Variants in IPO11 observed in about 807,000 individuals in gnomAD.
IPO11 encodes the protein importin-11.
A neutral mutation model predicts 143.2 loss-of-function variants in IPO11; 66 were observed. The ratio of observed to expected loss-of-function variants is 0.46; its 90% CI spans 0.38 to 0.57. The LOEUF (loss-of-function observed/expected upper bound fraction) is 0.57, where lower values mean the gene tolerates loss of function less well. Among genes scored for constraint, IPO11 ranks in the 20% least tolerant of loss-of-function variants. The pLI, the probability that IPO11 is intolerant of heterozygous loss-of-function variation, is 0.00. For missense variants in IPO11, 1,026 were observed against 1,141.0 expected, an observed-to-expected ratio of 0.90 and a Z score of 1.45; for synonymous variants, 385 against 377.8, an observed-to-expected ratio of 1.02 and a Z score of -0.22.
chr5:62,540,694 A>G (rs1404772360), intron 24 of IPO11, among the ~76,000 whole-genome samples: 2 of 152,210 alleles, frequency 1.3e-5, no homozygotes, highest in African/African-American at 4.8e-5. Context: ...CTCATTTTCC[A>G]TCTGTAACAT....
chr5:62,573,178 C>G (rs767533532), intron 27 of IPO11, among the ~76,000 whole-genome samples: 2 of 152,056 alleles, frequency 1.3e-5, no homozygotes, highest in Non-Finnish European at 2.9e-5. Flanking sequence ...CCACCACGCC[C>G]GGCTACTTTA....
At chr5:62,586,567 C>T (rs1011260089) in intron 27 of IPO11, among the ~76,000 whole-genome samples, 1 of 151,512 alleles carries the variant, frequency 6.6e-6, no homozygotes. Context: ...GCCTGACGGA[C>T]ATGAAGAAAC....
chr5:62,601,300 G>A (rs142541021), intron 28 of IPO11: 1 of 152,674 alleles, frequency 6.5e-6, no homozygotes, highest in Non-Finnish European at 1.5e-5. Flanking sequence ...GTTCCTCATA[G>A]CACAGTCATG....
At chr5:62,600,196 C>T (rs1485741501) in intron 28 of IPO11, among the ~76,000 whole-genome samples, 1 of 152,082 alleles carries the variant, frequency 6.6e-6, no homozygotes, top group Non-Finnish European at 1.5e-5. Context: ...CCTGCCACCA[C>T]GCCTGGCTAG....
In IPO11 at chr5:62,525,999, C is replaced by G. The variant is rs1000461689; in HGVS notation, c.1897-143C>G. The G allele has an allele frequency of 1.6e-5, 10 of 624,282 alleles. No homozygotes were observed. The African/African-American group carries it at 1.9e-4, about 12-fold the overall frequency. The allele number at this position is 624,282 out of a possible 1,614,324, so 38.7% of individuals were successfully genotyped here. A position where few individuals can be genotyped will look rare whatever the true frequency, so the allele number is the denominator to read the frequency against. The stretch of plus-strand genomic sequence containing the variant: ...CAATTATAAACAGAACTTTGTTTTG[C>G]TATTACTTGTAATTAGGACCTTCCT... On this transcript the variant is annotated intron_variant, in intron 20 of 29. Transcript: ENST00000325324.
At chr5:62,526,924 A>G (rs1415147957) in intron 21 of IPO11, among the ~76,000 whole-genome samples, 1 of 152,256 alleles carries the variant, frequency 6.6e-6, no homozygotes, top group Admixed American at 6.5e-5. Flanking sequence ...AAAGCAAATC[A>G]TAGAAATCAA....
intron 6 of IPO11, among the ~76,000 whole-genome samples, chr5:62,468,123 T>A (rs1260761336): frequency 6.6e-6 from 1 of 152,052 alleles, no homozygotes; most frequent in East Asian, 1.9e-4. Context: ...GATTTTTACA[T>A]CTTTCTGGTC....
At chr5:62,578,506 G>A (rs10514936) in intron 27 of IPO11, among the ~76,000 whole-genome samples, 13,959 of 151,974 alleles carry the variant, frequency 0.092, 652 homozygotes, top group South Asian at 0.15. Flanking sequence ...TTGATAGCTA[G>A]AGTCTGTTGA....
At chr5:62,547,582 A>C (rs1444239542) in intron 24 of IPO11, among the ~76,000 whole-genome samples, 2 of 152,224 alleles carry the variant, frequency 1.3e-5, no homozygotes, top group African/African-American at 4.8e-5. Flanking sequence ...CATCTTCTCT[A>C]GCTACGGTTC....
chr5:62,443,416 T>TGTGTGC (rs1467203553), intron 3 of IPO11: 2 of 137,754 alleles, frequency 1.5e-5, no homozygotes, highest in Non-Finnish European at 2.9e-5. Context: ...TGTGTGTGTG[T>TGTGTGC]GTGTGCGTGT....
Position 62,435,172 on chromosome 5 carries a change from G to GTATATATATGTATATATATGTGTA in IPO11, c.-6-2095_-6-2094insATGTATATATATGTGTATATATAT, listed in dbSNP as rs368807385. Among the ~76,000 whole-genome samples the GTATATATATGTATATATATGTGTA allele has an allele frequency of 3.2e-3, 278 of 88,232 alleles. 18 individuals carry two copies. The highest frequency in any genetic ancestry group is 4.3e-3 in the Non-Finnish European group (200 of 46,330). The allele number at this position is 88,232 out of a possible 152,430, so 57.9% of individuals were successfully genotyped here. On this transcript the variant is annotated intron_variant, in intron 1 of 29. Transcript: ENST00000325324. ...TATATGTATATATATGTATATATAT[G>GTATATATATGTATATATATGTGTA]TATATATGTATATATATGTATATAT...
chr5:62,563,361 T>C (rs1431541197), intron 27 of IPO11, among the ~76,000 whole-genome samples: 1 of 152,158 alleles, frequency 6.6e-6, no homozygotes, highest in Non-Finnish European at 1.5e-5. Flanking sequence ...AGTACTGAGA[T>C]TATTGAAAGA....
chr5:62,560,489 G>A (rs2112365132), intron 26 of IPO11, among the ~76,000 whole-genome samples: 1 of 152,284 alleles, frequency 6.6e-6, no homozygotes, highest in South Asian at 2.1e-4. Context: ...TCAACTCATT[G>A]TAAATGTTAA....
chr5:62,485,473 A>G lies in IPO11; in HGVS notation c.1218+11A>G, dbSNP rs1026626241. 1.3e-6 allele frequency: 2 copies of G among 1,594,000 alleles called. No homozygotes were observed. Among genetic ancestry groups the G allele is most frequent in the East Asian group, 4.5e-5 (2 of 44,694 alleles). ...AAATATAGTTTGAGGGTAAGTATTA[A>G]TTGCAAGAAAAATTGATAGGGGAAA... On this transcript the variant is annotated intron_variant, in intron 12 of 29. Transcript: ENST00000325324.
chr5:62,598,393 T>TTCC (rs1745313684), intron 28 of IPO11, among the ~76,000 whole-genome samples: 1 of 8,380 alleles, frequency 1.2e-4, no homozygotes, highest in African/African-American at 2.1e-3. Context: ...GCTTGCTTGC[T>TTCC]TTCTTTCTTT....
At chr5:62,486,885 A>G (rs1746426897) in intron 12 of IPO11, among the ~76,000 whole-genome samples, 1 of 152,158 alleles carries the variant, frequency 6.6e-6, no homozygotes, top group African/African-American at 2.4e-5. Context: ...TGGTTATCTG[A>G]GATGACACAT....
chr5:62,529,923 G>A (rs997561030), intron 21 of IPO11, among the ~76,000 whole-genome samples: 2 of 152,076 alleles, frequency 1.3e-5, no homozygotes, highest in African/African-American at 2.4e-5. Context: ...TGTAATTTGC[G>A]TTTGTTGCAC....
Position 62,451,908 on chromosome 5 carries a change from C to G in IPO11, c.491C>G (p.Ala164Gly). The change falls in exon 5 of 30, where the codon GCT becomes GGT. Residue 164 changes from alanine to glycine, a missense_variant. By Grantham distance (60) the Ala-to-Gly change is moderately conservative. Around this residue, in one of 5 missense-constraint regions of IPO11, gnomAD observed 429 missense variants for 456.3 expected, o/e 0.94. Coordinates refer to ENST00000325324, the MANE Select transcript of IPO11 (RefSeq NM_016338.5). ...VTKTLASKRL[A>G]ADRKLFYDLA... The stretch of plus-strand genomic sequence containing the variant: ...AAGACACTGGCATCTAAACGACTTG[C>G]TGCTGATAGAAAACTATTTTATGAT... 1 of 1,613,452 alleles carries G rather than the reference C, an allele frequency of 6.2e-7. No homozygotes were observed. Among genetic ancestry groups the G allele is most frequent in the Non-Finnish European group, 8.5e-7 (1 of 1,179,366 alleles).
intron 24 of IPO11, among the ~76,000 whole-genome samples, chr5:62,537,561 C>T (rs540235468): frequency 2.0e-5 from 3 of 152,212 alleles, no homozygotes; most frequent in African/African-American, 7.2e-5. Context: ...GGGATGTTGC[C>T]TATCTTGAGA....
Sources: allele counts gnomAD v4.1 joint callset (sites outside exome capture counted in the v4.1 genomes callset), GRCh38; gene constraint gnomAD v4.1.1; regional missense constraint gnomAD v4.1.1; transcripts MANE v1.5; gene names NCBI Gene and HGNC (gene_info 2026-07-23, HGNC 2026-07-21).